The following SCAMP2 variants were observed in gnomAD, a reference collection of about 807,000 sequenced individuals.
The protein encoded by SCAMP2 is secretory carrier membrane protein 2, also known as secretory carrier-associated membrane protein 2.
SCAMP2 carries 25 observed loss-of-function variants against 44.1 expected under a neutral mutation model. The ratio of observed to expected loss-of-function variants is 0.57; its 90% CI spans 0.41 to 0.79. The LOEUF is 0.79. Among genes scored for constraint, SCAMP2 ranks in the 30% least tolerant of loss-of-function variants. SCAMP2 has a pLI of 0.00. For synonymous variants in SCAMP2, 156 were observed against 166.0 expected, an observed-to-expected ratio of 0.94 and a Z score of 0.46; for missense variants, 355 against 411.0, an observed-to-expected ratio of 0.86 and a Z score of 1.18.
intron 1 of SCAMP2, among the ~76,000 whole-genome samples, chr15:74,855,803 C>T (rs2141175123): frequency 6.6e-6 from 1 of 151,504 alleles, no homozygotes; most frequent in South Asian, 2.1e-4. Flanking sequence ...TTAAATCGGG[C>T]ACACTTGCTA....
Position 74,852,073 on chromosome 15 carries a change from C to T in SCAMP2, c.339G>A (p.Leu113=). The T allele has an allele frequency of 1.9e-6, 3 of 1,572,766 alleles. No homozygotes were observed. Among genetic ancestry groups the T allele is most frequent in the Non-Finnish European group, 2.6e-6 (3 of 1,158,578 alleles). The change falls in exon 4 of 9, where the codon TTG becomes TTA. Residue 113 remains leucine (L), a synonymous_variant. Coordinates refer to ENST00000268099, the MANE Select transcript of SCAMP2 (RefSeq NM_005697.5). ...GGCCCCAGCAGCCTCCCTTACCATG[C>T]AAGTTGGCTACAGTGTTCTGCAGCT... is the stretch of plus-strand genomic sequence containing the variant. ...ERELQNTVAN[L]HVRQNNWPPL... is the part of the protein sequence containing the mutation.
chr15:74,845,503 A>G lies in SCAMP2; in HGVS notation c.825T>C (p.Cys275=). Residue 275 remains cysteine, a synonymous_variant, in exon 8 of 9, where the codon TGT becomes TGC. Coordinates refer to ENST00000268099, the MANE Select transcript of SCAMP2 (RefSeq NM_005697.5). The part of the protein sequence containing the change: ...MMVVAGFFTL[C]AVLSVFLLQR... The stretch of plus-strand genomic sequence containing the variant: ...GCAGGAGGAAGACTGAGAGCACGGC[A>G]CAGAGGGTGAAGAAGCCAGCCACCA... 6.2e-7 allele frequency: 1 copy of G among 1,614,168 alleles called. No individual in the cohort carries two copies. Among genetic ancestry groups the G allele is most frequent in the South Asian group, 1.1e-5 (1 of 91,086 alleles).
chr15:74,873,333 A>G lies in SCAMP2; in HGVS notation c.-78T>C. ...CCAGACCCAGCGGCGCTTCGTGTAG[A>G]CCCTCCACTTCCGGGAGCGAGGCAG... On this transcript the variant is annotated 5_prime_UTR_variant, in exon 1 of 9. Transcript: ENST00000268099. The G allele has an allele frequency of 1.6e-6, 2 of 1,246,720 alleles. No homozygotes were observed. The highest frequency in any genetic ancestry group is 2.1e-6 in the Non-Finnish European group (2 of 953,284). 77.2% of individuals were successfully genotyped at this position (1,246,720 alleles called of 1,614,324 possible). A position where few individuals can be genotyped will look rare whatever the true frequency, so the allele number is the denominator to read the frequency against.
In SCAMP2 at chr15:74,845,023, G is replaced by T; in HGVS notation, c.*60C>A. ...AACCACCACCACATAAGGCACCCAC[G>T]GAAAGTGCAGCTCAGAAGGCAGGCG... On this transcript the variant is annotated 3_prime_UTR_variant, in exon 9 of 9. Transcript: ENST00000268099. The T allele has an allele frequency of 6.4e-7, 1 of 1,569,710 alleles. No homozygotes were observed. Among genetic ancestry groups the T allele is most frequent in the South Asian group, 1.2e-5 (1 of 85,956 alleles).
intron 4 of SCAMP2, 31 bp downstream of exon 4, chr15:74,852,038 G>C (rs959279074): frequency 2.7e-6 from 4 of 1,478,328 alleles, no homozygotes; most frequent in Non-Finnish European, 3.7e-6. Context: ...TGCCAGGCAG[G>C]GCAGCCCCAG....
chr15:74,865,625 G>A (rs189375010), intron 1 of SCAMP2, among the ~76,000 whole-genome samples: 1 of 151,678 alleles, frequency 6.6e-6, no homozygotes, highest in African/African-American at 2.4e-5. Context: ...TAGAGATCTA[G>A]ATCTGGGATC....
intron 6 of SCAMP2, 90 bp from the exon 7 acceptor site, chr15:74,848,791 G>A: frequency 2.2e-6 from 2 of 908,418 alleles, no homozygotes; most frequent in Non-Finnish European, 1.7e-6. Flanking sequence ...CTCACTAGGA[G>A]CCAGGAGGCA....
At chr15:74,853,040 T>C (rs2064445404) in intron 3 of SCAMP2, 1 of 177,750 alleles carries the variant, frequency 5.6e-6, no homozygotes, top group South Asian at 1.1e-4. Context: ...GGCACATGTG[T>C]ACACACACAC....
chr15:74,850,612 G>T lies in SCAMP2; in HGVS notation c.534C>A (p.Ser178Arg). ...LACLAWFSGNSSKGVDFGLSI... is the reference protein window; with the variant it reads ...LACLAWFSGNRSKGVDFGLSI... ...AGAGGCCAAAGTCCACTCCCTTGGA[G>T]CTGTTGCCCGAGAACCAGGCCAGGC... The change falls in exon 6 of 9, where the codon AGC becomes AGA. Residue 178 changes from serine to arginine, a missense_variant. By Grantham distance (110) the Ser-to-Arg change is moderately radical. Coordinates refer to ENST00000268099, the MANE Select transcript of SCAMP2 (RefSeq NM_005697.5). 1 of 1,614,152 alleles carries T rather than the reference G, an allele frequency of 6.2e-7. No individual in the cohort carries two copies. Among genetic ancestry groups the T allele is most frequent in the Non-Finnish European group, 8.5e-7 (1 of 1,180,006 alleles).
intron 1 of SCAMP2, 104 bp downstream of exon 1, chr15:74,873,095 C>T: frequency 9.6e-7 from 1 of 1,038,848 alleles, no homozygotes; most frequent in South Asian, 2.1e-5. Context: ...GGGCAGATGA[C>T]CCGTCCCTCC....
chr15:74,861,936 A>G (rs1038324097), intron 1 of SCAMP2, among the ~76,000 whole-genome samples: 4 of 149,702 alleles, frequency 2.7e-5, no homozygotes, highest in Non-Finnish European at 5.9e-5. Flanking sequence ...AAAGAAAAGA[A>G]AAGAAAAGGC....
At position 74,850,570 on chromosome 15, in the gene SCAMP2, C is replaced by T; in HGVS notation, c.576G>A (p.Leu192=). ...VDFGLSILWF[L]IFTPCAFLCW... is the part of the protein sequence containing the mutation. Reference sequence around the variant, plus strand: ...AAAGGAAGGCACAGGGAGTGAAGATCAGAAACCACAGGATGGAGAGGCCAA... The same window carrying T: ...AAAGGAAGGCACAGGGAGTGAAGATTAGAAACCACAGGATGGAGAGGCCAA... Residue 192 remains leucine (L), a synonymous_variant, in exon 6 of 9, where the codon CTG becomes CTA. Coordinates refer to ENST00000268099, the MANE Select transcript of SCAMP2 (RefSeq NM_005697.5). The T allele has an allele frequency of 6.2e-7, 1 of 1,614,122 alleles. No homozygotes were observed. The highest frequency in any genetic ancestry group is 8.5e-7 in the Non-Finnish European group (1 of 1,180,020).
rs1340837510 is a variant in SCAMP2, at chr15:74,843,784, T to A, written c.*1299A>T. ...AGCACAAAAATTGAGACGTAACATATACATTTGTACATAGAGGGGAAAAAA... is the reference window on the plus strand; with the variant it reads ...AGCACAAAAATTGAGACGTAACATAAACATTTGTACATAGAGGGGAAAAAA... On this transcript the variant is annotated 3_prime_UTR_variant, in exon 9 of 9. Transcript: ENST00000268099. The A allele has an allele frequency of 2.0e-5, 3 of 152,192 alleles. No homozygotes were observed. Among genetic ancestry groups the A allele is most frequent in the Non-Finnish European group, 4.4e-5 (3 of 68,040 alleles). 9.4% of individuals were successfully genotyped at this position (152,192 alleles called of 1,614,324 possible). A position where few individuals can be genotyped will look rare whatever the true frequency, so the allele number is the denominator to read the frequency against.
Position 74,854,650 on chromosome 15 carries a change from C to T in SCAMP2, c.58-1G>A. 1 of 1,607,758 alleles carries T rather than the reference C, an allele frequency of 6.2e-7. No homozygotes were observed. The highest frequency in any genetic ancestry group is 8.5e-7 in the Non-Finnish European group (1 of 1,177,186). On this transcript the variant is annotated splice_acceptor_variant, in intron 1 of 8. Transcript: ENST00000268099. LOFTEE classifies it high-confidence loss of function. ...TGGTCAGCTGGGTCACAGAGGGATC[C>T]TGAGAAGGTGAAAAAAAGCCCTTAG...
chr15:74,850,470 G>A (rs748257145), intron 6 of SCAMP2, 44 bp downstream of exon 6: 1 of 1,586,936 alleles, frequency 6.3e-7, no homozygotes, highest in Non-Finnish European at 8.6e-7. Flanking sequence ...TGCTACCTGG[G>A]ATGCCAGCCA....
Position 74,852,167 on chromosome 15 carries a change from T to G in SCAMP2, c.245A>C (p.Gln82Pro), listed in dbSNP as rs2064439893. The change falls in exon 4 of 9, where the codon CAG becomes CCG. Residue 82 changes from glutamine to proline, a missense_variant. Transcript: ENST00000268099. ...PTPQAVVSAA[Q>P]AGLLRQQEEL... ...TTCCTGCTGCCGGAGCAGGCCTGCC[T>G]GGGCTGCAGACACCACGGCCTGGAG... 5 of 1,558,164 alleles carry G rather than the reference T, an allele frequency of 3.2e-6. No individual in the cohort carries two copies. Among genetic ancestry groups the G allele is most frequent in the Non-Finnish European group, 4.3e-6 (5 of 1,152,980 alleles).
intron 7 of SCAMP2, among the ~76,000 whole-genome samples, chr15:74,846,658 G>A (rs924809037): frequency 2.0e-5 from 3 of 152,232 alleles, no homozygotes; most frequent in East Asian, 3.9e-4. Context: ...CCAGTTACTC[G>A]GGAGGCTGAG....
At position 74,862,292 on chromosome 15, in the gene SCAMP2, C is replaced by CAAGA. The variant is rs1431645432; in HGVS notation, c.58-7644_58-7643insTCTT. On this transcript the variant is annotated intron_variant, in intron 1 of 8. Transcript: ENST00000268099. ...AAAAAAAAAAAAAAAAAAAAAAATT[C>CAAGA]CTGGCCAGGTGCAATGGCTCACACC... Among the ~76,000 whole-genome samples the CAAGA allele has an allele frequency of 2.3e-5, 2 of 87,648 alleles. 1 individual carries two copies. The highest frequency in any genetic ancestry group is 4.9e-5 in the Non-Finnish European group (2 of 40,732). 57.5% of individuals were successfully genotyped at this position (87,648 alleles called of 152,430 possible).
chr15:74,861,578 A>C (rs2064503503), intron 1 of SCAMP2, among the ~76,000 whole-genome samples: 1 of 152,190 alleles, frequency 6.6e-6, no homozygotes, highest in African/African-American at 2.4e-5. Flanking sequence ...TAAGCATCAC[A>C]GCTATGAAGA....
Sources: allele counts gnomAD v4.1 joint callset (sites outside exome capture counted in the v4.1 genomes callset), GRCh38; gene constraint gnomAD v4.1.1; transcripts MANE v1.5; gene names NCBI Gene and HGNC (gene_info 2026-07-23, HGNC 2026-07-21).